The following CFAP47 variants were observed in gnomAD, a reference collection of about 807,000 sequenced individuals.
The protein encoded by CFAP47 is cilia and flagella associated protein 47.
CFAP47 carries 29 observed loss-of-function variants against 148.1 expected under a neutral mutation model. The observed-to-expected ratio is 0.20, with a 90% CI of 0.15 to 0.27. The LOEUF is 0.27. Among genes scored for constraint, CFAP47 ranks in the 10% least tolerant of loss-of-function variants. The pLI is 1.00. For synonymous variants in CFAP47, 664 were observed against 577.3 expected, an observed-to-expected ratio of 1.15 and a Z score of -2.15; for missense variants, 1,872 against 1,697.5, an observed-to-expected ratio of 1.10 and a Z score of -1.81.
intron 49 of CFAP47, among the ~76,000 whole-genome samples, chrX:36,255,230 G>T (rs1009716207): frequency 7.1e-5 from 8 of 112,454 alleles, no homozygotes; most frequent in African/African-American, 2.6e-4. Context: ...GAGGGAAAAT[G>T]ATGCTGTAAC....
chrX:36,154,699 C>T (rs903972146), intron 37 of CFAP47, among the ~76,000 whole-genome samples: 1 of 111,187 alleles, frequency 9.0e-6, no homozygotes, highest in Non-Finnish European at 1.9e-5. Context: ...CCAGAATCAC[C>T]CTTTTAGGTA....
chrX:36,324,439 G>A (rs1281726940), intron 57 of CFAP47, among the ~76,000 whole-genome samples: 2 of 111,466 alleles, frequency 1.8e-5, no homozygotes, highest in Non-Finnish European at 3.8e-5. Flanking sequence ...TAGAATGTTA[G>A]GAAGGCAGCC....
chrX:36,222,756 A>G (rs180986436), intron 45 of CFAP47, among the ~76,000 whole-genome samples: 1 of 110,837 alleles, frequency 9.0e-6, no homozygotes, highest in African/African-American at 3.3e-5. Context: ...TTTAGCGCAA[A>G]ATCACTTTTC....
At chrX:36,004,725 G>A (rs1272408332) in intron 21 of CFAP47, among the ~76,000 whole-genome samples, 3 of 109,936 alleles carry the variant, frequency 2.7e-5, no homozygotes, top group Non-Finnish European at 3.8e-5. Flanking sequence ...GAGTAGATCA[G>A]TGGTTACCTG....
rs754483912 is a variant in CFAP47 at position 36,137,923 on chromosome X, ATTG to A, written c.5321-30_5321-28del. ...AGGTATCTTTTAATAAAGTAAAACT[ATTG>A]TTGTATTTACTCTCCCTCTTTTTTG... is the stretch of plus-strand genomic sequence containing the variant. On this transcript the variant is annotated intron_variant, in intron 33 of 63. Transcript: ENST00000378653. 1.6e-5 allele frequency: 9 copies of A among 549,008 alleles called. No individual in the cohort carries two copies. In the Middle Eastern group the frequency reaches 2.1e-3, roughly 126 times the overall value. 45.2% of individuals were successfully genotyped at this position (549,008 alleles called of 1,213,427 possible).
chrX:36,078,460 GC>G (rs1262362743), intron 29 of CFAP47, among the ~76,000 whole-genome samples: 1 of 110,842 alleles, frequency 9.0e-6, no homozygotes, highest in Non-Finnish European at 1.9e-5. Flanking sequence ...TTATGTAATG[GC>G]CTTCTTTGTC....
At chrX:36,029,955 A>C (rs1488430173) in intron 22 of CFAP47, among the ~76,000 whole-genome samples, 1 of 110,241 alleles carries the variant, frequency 9.1e-6, no homozygotes, top group Admixed American at 9.7e-5. Context: ...TTTATTTCTA[A>C]TTATAATATG....
chrX:36,026,592 G>T (rs1381748695), intron 22 of CFAP47, among the ~76,000 whole-genome samples: 1 of 110,604 alleles, frequency 9.0e-6, no homozygotes, highest in Non-Finnish European at 1.9e-5. Context: ...CCTTATTTTT[G>T]TACTCTTAAT....
rs1938125122 is a variant in CFAP47, at chrX:36,088,379, C to A, written c.4916+2841C>A. Among the ~76,000 whole-genome samples the A allele has an allele frequency of 5.4e-5, 6 of 111,314 alleles. 1 individual carries two copies. In the South Asian group the frequency reaches 2.3e-3, roughly 42 times the overall value. ...CATCCCAAATTCATATGTTGAAACC[C>A]TAACCCCCAATGTGATTTTATTTGG... On this transcript the variant is annotated intron_variant, in intron 30 of 63. Coordinates refer to ENST00000378653, the MANE Select transcript of CFAP47 (RefSeq NM_001304548.2).
intron 9 of CFAP47, among the ~76,000 whole-genome samples, chrX:35,967,102 A>G (rs1293299497): frequency 9.0e-6 from 1 of 111,198 alleles, no homozygotes; most frequent in Admixed American, 9.7e-5. Flanking sequence ...AGATGCTGAC[A>G]CTGCCATTAC....
At chrX:36,308,985 T>C (rs1390500852) in intron 55 of CFAP47, among the ~76,000 whole-genome samples, 15 of 111,642 alleles carry the variant, frequency 1.3e-4, no homozygotes, top group African/African-American at 4.8e-4. Context: ...CAACTGCAAA[T>C]ATCATAAACT....
chrX:36,118,286 G>A (rs1424063649), intron 33 of CFAP47, among the ~76,000 whole-genome samples: 1 of 110,683 alleles, frequency 9.0e-6, no homozygotes, highest in Non-Finnish European at 1.9e-5. Flanking sequence ...GAATGCCCTT[G>A]GTATTTTCAT....
chrX:36,169,557 C>T, intron 39 of CFAP47, among the ~76,000 whole-genome samples: 1 of 111,042 alleles, frequency 9.0e-6, no homozygotes, highest in Non-Finnish European at 1.9e-5. Context: ...TGTTGAGCCC[C>T]TCTAGTAATT....
intron 30 of CFAP47, among the ~76,000 whole-genome samples, chrX:36,089,881 G>A (rs1263954981): frequency 8.9e-6 from 1 of 111,956 alleles, no homozygotes; most frequent in Admixed American, 9.5e-5. Flanking sequence ...GTGACATATA[G>A]TAGATTGTTA....
intron 13 of CFAP47, among the ~76,000 whole-genome samples, chrX:35,973,943 TTGA>T (rs1936531751): frequency 8.9e-6 from 1 of 112,379 alleles, no homozygotes; most frequent in Non-Finnish European, 1.9e-5. Flanking sequence ...TAAGTGTTAA[TTGA>T]ATGACCACCA....
intron 33 of CFAP47, among the ~76,000 whole-genome samples, chrX:36,119,336 T>C (rs1938699498): frequency 8.9e-6 from 1 of 112,360 alleles, no homozygotes; most frequent in Non-Finnish European, 1.9e-5. Context: ...TTTAATTCTT[T>C]ATTCTGTTGA....
At chrX:36,337,905 C>G (rs1265491868) in intron 57 of CFAP47, among the ~76,000 whole-genome samples, 1 of 86,092 alleles carries the variant, frequency 1.2e-5, no homozygotes, top group Non-Finnish European at 2.1e-5. Context: ...CTCGCTCTGT[C>G]GCCCAGGCTG....
intron 45 of CFAP47, among the ~76,000 whole-genome samples, chrX:36,219,949 T>G (rs1602052597): frequency 9.0e-6 from 1 of 111,470 alleles, no homozygotes; most frequent in East Asian, 2.8e-4. Context: ...CTTGGCAAAA[T>G]AAACTTTCTA....
In CFAP47 at chrX:36,035,830, A is replaced by G; in HGVS notation, c.3787A>G (p.Asn1263Asp). Residue 1263 changes from asparagine (N) to aspartate (D), a missense_variant, in exon 24 of 64, where the codon AAT becomes GAT. Coordinates refer to ENST00000378653, the MANE Select transcript of CFAP47 (RefSeq NM_001304548.2). ...NGILRPNEKY[N>D]VSISFCPNRP... ...GATTCTACGACCAAATGAAAAGTATAATGTTTCCATAAGTTTCTGTCCAAG... is the reference window on the plus strand; with the variant it reads ...GATTCTACGACCAAATGAAAAGTATGATGTTTCCATAAGTTTCTGTCCAAG... 3.4e-6 allele frequency: 1 copy of G among 296,477 alleles called. No homozygotes were observed. Among genetic ancestry groups the G allele is most frequent in the Non-Finnish European group, 5.9e-6 (1 of 169,510 alleles). 24.4% of individuals were successfully genotyped at this position (296,477 alleles called of 1,213,427 possible).
Sources: allele counts gnomAD v4.1 joint callset (sites outside exome capture counted in the v4.1 genomes callset), GRCh38; gene constraint gnomAD v4.1.1; transcripts MANE v1.5; gene names NCBI Gene and HGNC (gene_info 2026-07-23, HGNC 2026-07-21).